Variants in ITPR1 observed in about 807,000 individuals in gnomAD.
The protein encoded by ITPR1 is inositol 1,4,5-trisphosphate receptor type 1, also known as inositol 1,4,5-trisphosphate-gated calcium channel ITPR1.
Under a neutral mutation model 318.4 loss-of-function variants are expected in ITPR1, and 96 were observed. That is an observed-to-expected ratio of 0.30 (90% CI 0.26 to 0.36). The LOEUF (loss-of-function observed/expected upper bound fraction) is 0.36. Among genes scored for constraint, ITPR1 ranks in the 10% least tolerant of loss-of-function variants. The pLI is 1.00. For synonymous variants in ITPR1, 1,312 were observed against 1,289.9 expected (o/e 1.02, Z -0.37); for missense variants, 2,440 against 3,460.2 (o/e 0.71, Z 7.40).
chr3:4,670,648 G>A (rs1055383313), intron 19 of ITPR1, 81 bp from the exon 20 acceptor site: 2 of 1,036,776 alleles, frequency 1.9e-6, no homozygotes, highest in African/African-American at 3.2e-5. Flanking sequence ...GTCTTTCCAT[G>A]TGTCTTTATG....
intron 60 of ITPR1, among the ~76,000 whole-genome samples, chr3:4,834,471 G>A (rs1202205516): frequency 1.3e-5 from 2 of 152,118 alleles, no homozygotes; most frequent in Non-Finnish European, 1.5e-5. Flanking sequence ...CGTGCTAAGT[G>A]ATCTCTCTGC....
At chr3:4,725,660 A>G in intron 41 of ITPR1, 79 bp downstream of exon 41, 4 of 1,294,044 alleles carry the variant, frequency 3.1e-6, no homozygotes, top group Non-Finnish European at 4.4e-6. Context: ...GGGTGTCTGA[A>G]TTGTTGTAAC....
chr3:4,514,817 T>C (rs1559368074), intron 2 of ITPR1, among the ~76,000 whole-genome samples: 1 of 152,238 alleles, frequency 6.6e-6, no homozygotes, highest in Non-Finnish European at 1.5e-5. Flanking sequence ...AAGGGAAATA[T>C]TAATCCCCCT....
chr3:4,559,112 C>T (rs2086426337), intron 4 of ITPR1, among the ~76,000 whole-genome samples: 1 of 152,008 alleles, frequency 6.6e-6, no homozygotes, highest in African/African-American at 2.4e-5. Context: ...CCTGCCTTAG[C>T]CTCCTGAGTA....
At chr3:4,630,789 T>C (rs1387456453) in intron 5 of ITPR1, among the ~76,000 whole-genome samples, 1 of 152,014 alleles carries the variant, frequency 6.6e-6, no homozygotes, top group Admixed American at 6.5e-5. Context: ...CATTTCACCA[T>C]GTTGGCCAGG....
chr3:4,567,779 C>A (rs962695564), intron 4 of ITPR1, among the ~76,000 whole-genome samples: 7 of 151,896 alleles, frequency 4.6e-5, no homozygotes, highest in Non-Finnish European at 1.0e-4. Context: ...TTTTTTTGTA[C>A]TTTTAGTAGA....
At chr3:4,783,969 T>A in intron 51 of ITPR1, 49 bp downstream of exon 51, 2 of 1,268,852 alleles carry the variant, frequency 1.6e-6, no homozygotes, top group Non-Finnish European at 2.2e-6. Context: ...AGGCCATTAG[T>A]GTGCAATGCC....
intron 31 of ITPR1, 54 bp from the exon 32 acceptor site, chr3:4,691,090 G>T: frequency 7.8e-7 from 1 of 1,274,884 alleles, no homozygotes; most frequent in South Asian, 1.5e-5. Context: ...TTTTTAATCT[G>T]TTCTGTCAGC....
intron 3 of ITPR1, among the ~76,000 whole-genome samples, chr3:4,519,414 A>T (rs556265186): frequency 1.4e-4 from 22 of 152,160 alleles, no homozygotes; most frequent in African/African-American, 5.3e-4. Flanking sequence ...TCTAGTAGTG[A>T]CAGGATTTTG....
At chr3:4,602,496 C>T (rs1404647570) in intron 4 of ITPR1, among the ~76,000 whole-genome samples, 1 of 146,606 alleles carries the variant, frequency 6.8e-6, no homozygotes, top group Admixed American at 6.9e-5. Flanking sequence ...CCATTGCACT[C>T]TAGCCTGGGT....
intron 4 of ITPR1, among the ~76,000 whole-genome samples, chr3:4,582,913 G>A (rs150258381): frequency 2.9e-3 from 446 of 152,298 alleles, no homozygotes; most frequent in Non-Finnish European, 4.6e-3. Flanking sequence ...CTGGTGGCAC[G>A]TTGTCTGAGA....
At chr3:4,794,564 A>G (rs1447666950) in intron 52 of ITPR1, among the ~76,000 whole-genome samples, 4 of 152,206 alleles carry the variant, frequency 2.6e-5, no homozygotes, top group Admixed American at 6.5e-5. Context: ...CCAGAGAGGA[A>G]TGTGGAAATG....
intron 11 of ITPR1, among the ~76,000 whole-genome samples, chr3:4,653,399 G>T (rs2093639446): frequency 6.6e-6 from 1 of 152,206 alleles, no homozygotes; most frequent in Non-Finnish European, 1.5e-5. Flanking sequence ...GGGAATTACA[G>T]ACCCAGCTAA....
At chr3:4,639,282 C>T (rs1045006203) in intron 5 of ITPR1, 102 bp from the exon 6 acceptor site, 4 of 851,500 alleles carry the variant, frequency 4.7e-6, no homozygotes, top group African/African-American at 1.7e-5. Context: ...TTGCGTATTT[C>T]GGTGGTTCTT....
intron 5 of ITPR1, among the ~76,000 whole-genome samples, chr3:4,631,722 C>A (rs773470509): frequency 1.3e-5 from 2 of 152,040 alleles, no homozygotes; most frequent in African/African-American, 4.8e-5. Context: ...AGTACTTGCA[C>A]GTTTGGAAAA....
intron 61 of ITPR1, among the ~76,000 whole-genome samples, chr3:4,839,544 G>A (rs1048737509): frequency 3.9e-5 from 6 of 152,128 alleles, no homozygotes; most frequent in Admixed American, 3.9e-4. Flanking sequence ...ATGGTTGACT[G>A]TTTAAGTTCT....
At chr3:4,494,306 G>C (rs533715721) in intron 1 of ITPR1, 125 bp from the exon 2 acceptor site, 1 of 152,516 alleles carries the variant, frequency 6.6e-6, no homozygotes, top group Admixed American at 6.5e-5. Flanking sequence ...ACCAAGTTTG[G>C]GGGCGGGGGG....
At chr3:4,640,202 A>G (rs565599764) in intron 6 of ITPR1, among the ~76,000 whole-genome samples, 108 of 152,300 alleles carry the variant, frequency 7.1e-4, no homozygotes, top group African/African-American at 2.5e-3. Flanking sequence ...CCTTTTTGAA[A>G]GATTTTGCCT....
In ITPR1 at chr3:4,683,315, T is replaced by C. The variant is rs181898274; in HGVS notation, c.3162-71T>C. 95 of 1,524,690 alleles carry C rather than the reference T, an allele frequency of 6.2e-5. 2 individuals carry two copies. In the East Asian group the frequency reaches 2.1e-3, roughly 34 times the overall value. 94.4% of individuals were successfully genotyped at this position (1,524,690 alleles called of 1,614,324 possible). ...TAGAAATGCAACTAGGTTAGGTGCA[T>C]CTGGGCCCAAGGGGCGTGAGAGGAG... On this transcript the variant is annotated intron_variant, in intron 26 of 61. Coordinates refer to ENST00000649015, the MANE Select transcript of ITPR1 (RefSeq NM_001378452.1).
Sources: allele counts gnomAD v4.1 joint callset (sites outside exome capture counted in the v4.1 genomes callset), GRCh38; gene constraint gnomAD v4.1.1; transcripts MANE v1.5; gene names NCBI Gene and HGNC (gene_info 2026-07-23, HGNC 2026-07-21).